The following POU2F1 variants were observed in gnomAD, a reference collection of about 807,000 sequenced individuals.
POU2F1 encodes the protein POU domain, class 2, transcription factor 1.
A neutral mutation model predicts 84.9 loss-of-function variants in POU2F1; 16 were observed. The ratio of observed to expected loss-of-function variants is 0.19; its 90% confidence interval spans 0.13 to 0.29. The LOEUF is 0.29. Ranked by LOEUF, POU2F1 falls within the 10% of genes least tolerant of loss-of-function variation. The pLI, the probability that POU2F1 is intolerant of heterozygous loss-of-function variation, is 1.00. For missense variants in POU2F1, 738 were observed against 942.6 expected, an observed-to-expected ratio of 0.78 and a Z score of 2.84; for synonymous variants, 368 against 368.3, an observed-to-expected ratio of 1.00 and a Z score of 0.01.
At chr1:167,282,266 C>T in intron 1 of POU2F1, among the ~76,000 whole-genome samples, 1 of 147,218 alleles carries the variant, frequency 6.8e-6, no homozygotes, top group Non-Finnish European at 1.5e-5. Context: ...GCCTCAGCCT[C>T]CCGAATAGCT....
intron 9 of POU2F1, among the ~76,000 whole-genome samples, chr1:167,392,279 G>A (rs1648474371): frequency 2.0e-5 from 3 of 151,790 alleles, no homozygotes; most frequent in Admixed American, 2.0e-4. Flanking sequence ...TTCAACCTGG[G>A]AGGTGGAGGT....
At chr1:167,230,610 A>G (rs915823018) in intron 1 of POU2F1, among the ~76,000 whole-genome samples, 1 of 152,074 alleles carries the variant, frequency 6.6e-6, no homozygotes, top group African/African-American at 2.4e-5. Flanking sequence ...CTGTCTGTCC[A>G]TTTCTTTATC....
intron 1 of POU2F1, among the ~76,000 whole-genome samples, chr1:167,227,848 A>C (rs1173505823): frequency 6.6e-6 from 1 of 152,224 alleles, no homozygotes; most frequent in East Asian, 1.9e-4. Context: ...CAAGTTTGAA[A>C]GAGCCAGAGC....
intron 1 of POU2F1, among the ~76,000 whole-genome samples, chr1:167,309,089 T>G (rs376358018): frequency 1.1e-4 from 17 of 151,824 alleles, no homozygotes; most frequent in African/African-American, 3.4e-4. Flanking sequence ...TTTTTTAAAG[T>G]GCTTCCACTA....
intron 12 of POU2F1, 57 bp downstream of exon 12, chr1:167,399,422 A>G (rs1649038186): frequency 7.0e-7 from 1 of 1,424,080 alleles, no homozygotes; most frequent in African/African-American, 1.4e-5. Flanking sequence ...AATTTTACAA[A>G]TGACCTGTTA....
intron 1 of POU2F1, among the ~76,000 whole-genome samples, chr1:167,297,074 T>G (rs2102552954): frequency 6.6e-6 from 1 of 152,354 alleles, no homozygotes; most frequent in Non-Finnish European, 1.5e-5. Flanking sequence ...ATATTGATTT[T>G]GCACTAATAA....
At chr1:167,304,483 C>T (rs1358308438) in intron 1 of POU2F1, among the ~76,000 whole-genome samples, 2 of 151,986 alleles carry the variant, frequency 1.3e-5, no homozygotes, top group Admixed American at 6.6e-5. Context: ...TTTTTTTAAA[C>T]GAAAATTTAT....
At chr1:167,223,041 G>A (rs1648357352) in intron 1 of POU2F1, among the ~76,000 whole-genome samples, 1 of 152,058 alleles carries the variant, frequency 6.6e-6, no homozygotes, top group Admixed American at 6.5e-5. Context: ...TTGGTGTGGT[G>A]CTACCTTTCT....
chr1:167,346,403 CTG>C (rs1367666923), intron 2 of POU2F1, among the ~76,000 whole-genome samples: 8 of 152,124 alleles, frequency 5.3e-5, no homozygotes, highest in Non-Finnish European at 1.0e-4. Context: ...AGTACAATCA[CTG>C]TGGAGATTTT....
intron 1 of POU2F1, among the ~76,000 whole-genome samples, chr1:167,307,810 A>G (rs996258463): frequency 1.3e-5 from 2 of 152,188 alleles, no homozygotes; most frequent in Non-Finnish European, 2.9e-5. Flanking sequence ...AAATAATCCA[A>G]TCCAAGACTG....
chr1:167,413,216 C>A, intron 15 of POU2F1, 102 bp downstream of exon 15: 2 of 1,060,354 alleles, frequency 1.9e-6, no homozygotes, highest in Non-Finnish European at 2.8e-6. Context: ...AGGAAGTCTG[C>A]TTTGCTAGAG....
At chr1:167,387,824 G>A (rs1648100189) in intron 8 of POU2F1, among the ~76,000 whole-genome samples, 1 of 152,100 alleles carries the variant, frequency 6.6e-6, no homozygotes, top group Admixed American at 6.5e-5. Context: ...AGAAAGTAGA[G>A]TATTTTATTT....
At chr1:167,346,034 G>T (rs1392121795) in intron 2 of POU2F1, among the ~76,000 whole-genome samples, 1 of 151,706 alleles carries the variant, frequency 6.6e-6, no homozygotes, top group African/African-American at 2.4e-5. Flanking sequence ...AATTAACTGG[G>T]CATGGTGGCA....
chr1:167,318,184 A>G (rs1363278214), intron 1 of POU2F1, among the ~76,000 whole-genome samples: 1 of 152,112 alleles, frequency 6.6e-6, no homozygotes, highest in East Asian at 1.9e-4. Flanking sequence ...TCTTTCCCAA[A>G]TTTTGATCTT....
At position 167,398,020 on chromosome 1, in the gene POU2F1, T is replaced by C. The variant is rs748142841; in HGVS notation, c.1156T>C (p.Ser386Pro). 1 of 1,613,792 alleles carries C rather than the reference T, an allele frequency of 6.2e-7. No individual in the cohort carries two copies. Among genetic ancestry groups the C allele is most frequent in the Non-Finnish European group, 8.5e-7 (1 of 1,179,870 alleles). The part of the protein sequence containing the change: ...AENLSSDSSL[S>P]SPSALNSPGI... ...GAACCTCTCATCTGATTCGTCCCTC[T>C]CCAGCCCAAGTGCCCTGAATTCTCC... is the stretch of plus-strand genomic sequence containing the variant. Residue 386 changes from serine to proline, a missense_variant, in exon 11 of 16, where the codon TCC (serine) becomes CCC (proline). By Grantham distance (74) the Ser-to-Pro change is moderately conservative. Around this residue, in one of 4 missense-constraint regions of POU2F1, gnomAD observed 95 missense variants for 195.1 expected, o/e 0.49. Coordinates refer to ENST00000367866, the MANE Select transcript of POU2F1 (RefSeq NM_002697.4).
intron 13 of POU2F1, 97 bp downstream of exon 13, chr1:167,401,653 A>C: frequency 3.1e-6 from 2 of 648,032 alleles, no homozygotes; most frequent in Non-Finnish European, 4.7e-6. Flanking sequence ...TAAGGCCCTA[A>C]CTAAAGATAG....
chr1:167,401,216 G>A (rs757457137), intron 12 of POU2F1, among the ~76,000 whole-genome samples: 10 of 152,036 alleles, frequency 6.6e-5, no homozygotes, highest in South Asian at 4.1e-4. Context: ...GTTTCTTACC[G>A]ACTTAGAGTA....
At chr1:167,371,853 T>C (rs945471066) in intron 4 of POU2F1, 64 bp from the exon 5 acceptor site, 59 of 1,593,602 alleles carry the variant, frequency 3.7e-5, no homozygotes, top group Admixed American at 1.7e-4. Context: ...AAAGATGGGG[T>C]TTTAAGTACA....
At chr1:167,341,099 A>G (rs1657819341) in intron 2 of POU2F1, among the ~76,000 whole-genome samples, 1 of 152,160 alleles carries the variant, frequency 6.6e-6, no homozygotes, top group South Asian at 2.1e-4. Flanking sequence ...TTCCTTCAAA[A>G]GATTTCCATT....
Sources: allele counts gnomAD v4.1 joint callset (sites outside exome capture counted in the v4.1 genomes callset), GRCh38; gene constraint gnomAD v4.1.1; regional missense constraint gnomAD v4.1.1; transcripts MANE v1.5; gene names NCBI Gene and HGNC (gene_info 2026-07-23, HGNC 2026-07-21).